Variants in HPRT1 observed in about 807,000 individuals in gnomAD.
HPRT1 encodes the protein hypoxanthine phosphoribosyltransferase 1.
In HPRT1, 4 loss-of-function variants were observed where a neutral mutation model predicts 19.0. That is an observed-to-expected ratio of 0.21 (90% CI 0.10 to 0.48). HPRT1 has a LOEUF of 0.48. HPRT1 is among the 20% of genes least tolerant of loss of function. The pLI, the probability that HPRT1 is intolerant of heterozygous loss-of-function variation, is 0.98. For synonymous variants in HPRT1, 53 were observed against 54.9 expected, an observed-to-expected ratio of 0.97 and a Z score of 0.15; for missense variants, 65 against 164.0, an observed-to-expected ratio of 0.40 and a Z score of 3.30.
At chrX:134,478,463 A>G (rs2077631281) in intron 3 of HPRT1, among the ~76,000 whole-genome samples, 2 of 110,789 alleles carry the variant, frequency 1.8e-5, no homozygotes, top group Admixed American at 1.9e-4. Flanking sequence ...CACAAAAAGA[A>G]TTAGTTGTGC....
Position 134,474,609 on chromosome X carries a change from G to A in HPRT1, c.135-572G>A, listed in dbSNP as rs17883719. Reference sequence around the variant, plus strand: ...TAATATTTTTATTTTGTAGAAACAGGGTTCGCCATGTTACCCAGCCTCCCA... The same window carrying A: ...TAATATTTTTATTTTGTAGAAACAGAGTTCGCCATGTTACCCAGCCTCCCA... On this transcript the variant is annotated intron_variant, in intron 2 of 8. Transcript: ENST00000298556. 6.2e-3 allele frequency among the ~76,000 whole-genome samples: 686 copies of A among 109,846 alleles called. 4 individuals are homozygous for A. The highest frequency in any genetic ancestry group is 9.2e-3 in the Non-Finnish European group (487 of 52,768).
intron 3 of HPRT1, 76 bp from the exon 4 acceptor site, chrX:134,486,389 G>T: frequency 6.4e-6 from 3 of 470,319 alleles, no homozygotes; most frequent in Non-Finnish European, 9.8e-6. Context: ...TGAAGTTTGT[G>T]TGTGTACATA....
chrX:134,460,302 C>G lies in HPRT1; in HGVS notation c.-10C>G. The G allele has an allele frequency of 1.8e-6, 2 of 1,132,564 alleles. No individual in the cohort carries two copies. Among genetic ancestry groups the G allele is most frequent in the Non-Finnish European group, 2.3e-6 (2 of 860,200 alleles). The allele number at this position is 1,132,564 out of a possible 1,213,427, so 93.3% of individuals were successfully genotyped here. A position where few individuals can be genotyped will look rare whatever the true frequency, so the allele number is the denominator to read the frequency against. ...CTGAGCAGTCAGCCCGCGCGCCGGC[C>G]GGCTCCGTTATGGCGACCCGCAGCC... On this transcript the variant is annotated 5_prime_UTR_variant, in exon 1 of 9. Coordinates refer to ENST00000298556, the MANE Select transcript of HPRT1 (RefSeq NM_000194.3).
At chrX:134,493,194 C>G (rs1346440993) in intron 5 of HPRT1, among the ~76,000 whole-genome samples, 2 of 111,234 alleles carry the variant, frequency 1.8e-5, no homozygotes, top group East Asian at 5.6e-4. Flanking sequence ...GAGTCTCTAT[C>G]TTGAATTTAT....
At chrX:134,498,062 C>G (rs2077686286) in intron 6 of HPRT1, among the ~76,000 whole-genome samples, 1 of 112,215 alleles carries the variant, frequency 8.9e-6, no homozygotes, top group Admixed American at 9.4e-5. Flanking sequence ...TTCATCTTTG[C>G]TCATTGACAC....
chrX:134,466,053 T>C (rs1336785169), intron 1 of HPRT1, among the ~76,000 whole-genome samples: 2 of 108,606 alleles, frequency 1.8e-5, no homozygotes, highest in African/African-American at 6.7e-5. Flanking sequence ...AGACAGGGCC[T>C]TTGGAAGGTA....
intron 2 of HPRT1, 24 bp downstream of exon 2, chrX:134,473,489 T>G (rs1262633552): frequency 4.3e-6 from 4 of 927,506 alleles, no homozygotes; most frequent in Admixed American, 2.2e-5. Context: ...TAAAATGAGG[T>G]TTTTTACTTT....
chrX:134,486,797 G>T (rs1165914906), intron 4 of HPRT1: 16 of 241,107 alleles, frequency 6.6e-5, no homozygotes, highest in Middle Eastern at 2.8e-3. Flanking sequence ...AAAAAACATT[G>T]ATGGGGGAAA....
At chrX:134,486,665 A>G in intron 4 of HPRT1, 135 bp downstream of exon 4, 1 of 496,507 alleles carries the variant, frequency 2.0e-6, no homozygotes, top group East Asian at 4.0e-5. Flanking sequence ...GAAGCAGTCT[A>G]GGTTAATTAT....
intron 3 of HPRT1, among the ~76,000 whole-genome samples, chrX:134,485,196 A>G (rs2077649734): frequency 8.9e-6 from 1 of 112,502 alleles, no homozygotes; most frequent in African/African-American, 3.2e-5. Context: ...GTGGGAGAAC[A>G]GTAGAATCAC....
chrX:134,477,681 GT>G (rs1008974679), intron 3 of HPRT1, among the ~76,000 whole-genome samples: 19 of 109,700 alleles, frequency 1.7e-4, no homozygotes, highest in African/African-American at 5.3e-4. Flanking sequence ...TTGAAGTAAA[GT>G]TTTTTTTTAA....
intron 1 of HPRT1, among the ~76,000 whole-genome samples, chrX:134,469,782 T>C (rs146366309): frequency 1.8e-5 from 2 of 112,210 alleles, no homozygotes; most frequent in African/African-American, 6.5e-5. Context: ...TTTAAAGCAC[T>C]ACAAAATGGT....
At chrX:134,479,978 G>A (rs1414162361) in intron 3 of HPRT1, among the ~76,000 whole-genome samples, 1 of 110,095 alleles carries the variant, frequency 9.1e-6, no homozygotes, top group African/African-American at 3.3e-5. Flanking sequence ...AAAGCCTCAG[G>A]AGGAAAAGTT....
intron 1 of HPRT1, among the ~76,000 whole-genome samples, chrX:134,467,041 C>CTTTTTTTTTTTTTTTTTTT (rs779817345): frequency 1.6e-5 from 1 of 61,010 alleles, no homozygotes; most frequent in African/African-American, 7.3e-5. Context: ...AGATTTTAAG[C>CTTTTTTTTTTTTTTTTTTT]TTTTTTTTTT....
intron 1 of HPRT1, among the ~76,000 whole-genome samples, chrX:134,468,619 G>A (rs2077603160): frequency 9.1e-6 from 1 of 109,791 alleles, no homozygotes; most frequent in Non-Finnish European, 1.9e-5. Context: ...GCCGGGCGTG[G>A]TGGCGCATGT....
At chrX:134,499,051 T>C (rs2077688423) in intron 8 of HPRT1, among the ~76,000 whole-genome samples, 1 of 112,097 alleles carries the variant, frequency 8.9e-6, no homozygotes, top group African/African-American at 3.2e-5. Flanking sequence ...TTTATGAACA[T>C]GGTTGAGGAA....
At chrX:134,474,745 G>A (rs984794871) in intron 2 of HPRT1, among the ~76,000 whole-genome samples, 1 of 111,547 alleles carries the variant, frequency 9.0e-6, no homozygotes, top group Non-Finnish European at 1.9e-5. Flanking sequence ...TCTGATAGGT[G>A]AAAATGGTAT....
intron 3 of HPRT1, among the ~76,000 whole-genome samples, chrX:134,478,714 C>G (rs959204525): frequency 1.1e-4 from 12 of 112,012 alleles, no homozygotes; most frequent in African/African-American, 2.6e-4. Context: ...TTAGAATATT[C>G]TAAAGAATTC....
intron 3 of HPRT1, among the ~76,000 whole-genome samples, chrX:134,477,540 A>T (rs1371646914): frequency 9.0e-6 from 1 of 110,590 alleles, no homozygotes; most frequent in African/African-American, 3.3e-5. Context: ...TGATTTGATG[A>T]TGGCTCATGC....
Sources: gnomAD v4.1 joint callset for allele counts (sites outside exome capture counted in the v4.1 genomes callset) on GRCh38, gnomAD v4.1.1 for gene constraint, MANE v1.5 for transcripts, NCBI Gene and HGNC (gene_info 2026-07-23, HGNC 2026-07-21) for gene names.